The following DGLUCY variants were observed in gnomAD, a reference collection of about 807,000 sequenced individuals.
The protein encoded by DGLUCY is D-glutamate cyclase, mitochondrial.
DGLUCY carries 58 observed loss-of-function variants against 58.5 expected under a neutral mutation model. That is an observed-to-expected ratio of 0.99 (90% CI 0.80 to 1.23). DGLUCY has a LOEUF of 1.23. DGLUCY is among the 50% of genes most tolerant of loss of function. The pLI, the probability that DGLUCY is intolerant of heterozygous loss-of-function variation, is 0.00. For synonymous variants in DGLUCY, 325 were observed against 314.1 expected (o/e 1.03, Z -0.37); for missense variants, 779 against 784.7 (o/e 0.99, Z 0.09).
intron 13 of DGLUCY, among the ~76,000 whole-genome samples, chr14:91,216,920 C>A (rs1345663950): frequency 6.6e-6 from 1 of 152,224 alleles, no homozygotes. Context: ...AGGTGGCCAG[C>A]GCGCAGCACC....
At chr14:91,158,676 A>G (rs2047796930) in intron 2 of DGLUCY, among the ~76,000 whole-genome samples, 1 of 152,180 alleles carries the variant, frequency 6.6e-6, no homozygotes, top group Admixed American at 6.5e-5. Context: ...TTCTGCAGTC[A>G]GCTAGTCATC....
At chr14:91,201,389 C>T (rs866490295) in intron 11 of DGLUCY, among the ~76,000 whole-genome samples, 3 of 151,814 alleles carry the variant, frequency 2.0e-5, no homozygotes, top group Admixed American at 6.6e-5. Flanking sequence ...ACCTCCGCCT[C>T]CCAGGTTTAA....
intron 1 of DGLUCY, among the ~76,000 whole-genome samples, chr14:91,142,965 A>G (rs2046802108): frequency 1.4e-5 from 2 of 142,488 alleles, no homozygotes; most frequent in Admixed American, 7.3e-5. Context: ...GAAAGGCGGA[A>G]GTTGCAGTGA....
chr14:91,145,145 C>G (rs955264437), intron 1 of DGLUCY: 1 of 152,180 alleles, frequency 6.6e-6, no homozygotes, highest in African/African-American at 2.4e-5. Context: ...CCACTGTGTG[C>G]TGACACTAGG....
chr14:91,138,800 A>G (rs1276359515), intron 1 of DGLUCY, among the ~76,000 whole-genome samples: 1 of 152,126 alleles, frequency 6.6e-6, no homozygotes, highest in African/African-American at 2.4e-5. Context: ...GATGATGATT[A>G]CAATTTGAGA....
intron 1 of DGLUCY, among the ~76,000 whole-genome samples, chr14:91,102,100 A>T (rs1292659858): frequency 6.6e-6 from 1 of 152,186 alleles, no homozygotes; most frequent in East Asian, 1.9e-4. Flanking sequence ...TGATTTGACT[A>T]TATGAATGTA....
chr14:91,100,596 G>A (rs2044468515), intron 1 of DGLUCY, among the ~76,000 whole-genome samples: 1 of 152,176 alleles, frequency 6.6e-6, no homozygotes, highest in Non-Finnish European at 1.5e-5. Flanking sequence ...AGCTGGATGA[G>A]GCTGGAATTC....
Position 91,121,819 on chromosome 14 carries a change from C to G in DGLUCY, c.-82+7536C>G, listed in dbSNP as rs1011986024. Reference sequence around the variant, plus strand: ...CAGGGGGAAAAAAATGACAAAAACCCCTACCCTTAAGAGGTTCACAGTATA... The same window carrying G: ...CAGGGGGAAAAAAATGACAAAAACCGCTACCCTTAAGAGGTTCACAGTATA... On this transcript the variant is annotated intron_variant, in intron 1 of 13. Coordinates refer to ENST00000256324, the MANE Select transcript of DGLUCY (RefSeq NM_001102368.3). Among the ~76,000 whole-genome samples, 41 of 152,098 alleles carry G rather than the reference C, an allele frequency of 2.7e-4. No individual in the cohort carries two copies. The East Asian group carries it at 3.7e-3, about 14-fold the overall frequency.
intron 13 of DGLUCY, among the ~76,000 whole-genome samples, chr14:91,217,399 C>T (rs1285867): frequency 0.57 from 85,910 of 151,606 alleles, 24,969 homozygotes; most frequent in East Asian, 0.8. Context: ...GGTGGGTGGT[C>T]GCTACAAGTC....
At chr14:91,165,993 T>A (rs1459179917) in intron 3 of DGLUCY, among the ~76,000 whole-genome samples, 2 of 152,200 alleles carry the variant, frequency 1.3e-5, no homozygotes, top group Non-Finnish European at 2.9e-5. Flanking sequence ...ATGAATATAC[T>A]AGGCAGCAGT....
chr14:91,128,096 A>G (rs2045819657), intron 1 of DGLUCY, among the ~76,000 whole-genome samples: 2 of 152,082 alleles, frequency 1.3e-5, no homozygotes, highest in South Asian at 4.2e-4. Context: ...AGCAAATTCC[A>G]GATATTAGGG....
At chr14:91,090,421 T>C (rs1030540208) in intron 1 of DGLUCY, among the ~76,000 whole-genome samples, 1 of 152,138 alleles carries the variant, frequency 6.6e-6, no homozygotes, top group Non-Finnish European at 1.5e-5. Context: ...AGCTACATCC[T>C]CTGTGAGTTT....
At chr14:91,203,322 G>A (rs1301751658) in intron 11 of DGLUCY, among the ~76,000 whole-genome samples, 2 of 152,140 alleles carry the variant, frequency 1.3e-5, no homozygotes, top group Admixed American at 6.5e-5. Context: ...CATTCTTTTG[G>A]CCAAATTCAC....
At chr14:91,165,243 A>G (rs758944269) in intron 3 of DGLUCY, 1 of 456,248 alleles carries the variant, frequency 2.2e-6, no homozygotes, top group South Asian at 1.5e-5. Context: ...AAACATCTAC[A>G]CAGGATTTCA....
At chr14:91,088,990 G>A (rs149669712) in intron 1 of DGLUCY, among the ~76,000 whole-genome samples, 23 of 152,316 alleles carry the variant, frequency 1.5e-4, no homozygotes, top group African/African-American at 5.5e-4. Flanking sequence ...ACAAGCTAGT[G>A]GTTAGATCAA....
At chr14:91,154,247 A>G (rs901767334) in intron 1 of DGLUCY, among the ~76,000 whole-genome samples, 20 of 152,182 alleles carry the variant, frequency 1.3e-4, no homozygotes, top group Non-Finnish European at 2.8e-4. Flanking sequence ...TGAGAAATCA[A>G]TCTATGTGTG....
chr14:91,121,644 A>G (rs1012205461), intron 1 of DGLUCY, among the ~76,000 whole-genome samples: 3 of 148,744 alleles, frequency 2.0e-5, no homozygotes, highest in Non-Finnish European at 4.5e-5. Flanking sequence ...AATAATAATA[A>G]TAATAATAAT....
intron 1 of DGLUCY, among the ~76,000 whole-genome samples, chr14:91,143,782 C>T (rs143014593): frequency 2.7e-4 from 41 of 152,306 alleles, no homozygotes; most frequent in African/African-American, 9.6e-4. Flanking sequence ...AGACATTGTG[C>T]TGGGTATTTG....
At chr14:91,144,237 G>T (rs2046892730) in intron 1 of DGLUCY, among the ~76,000 whole-genome samples, 3 of 152,188 alleles carry the variant, frequency 2.0e-5, no homozygotes, top group Admixed American at 6.5e-5. Flanking sequence ...CTGGCCGTTT[G>T]GTAACAAACA....
Sources: gnomAD v4.1 joint callset for allele counts (sites outside exome capture counted in the v4.1 genomes callset) on GRCh38, gnomAD v4.1.1 for gene constraint, MANE v1.5 for transcripts, NCBI Gene and HGNC (gene_info 2026-07-23, HGNC 2026-07-21) for gene names.